KCNAB2: variants seen among roughly 807,000 people sequenced by gnomAD.
KCNAB2 encodes potassium voltage-gated channel subfamily A regulatory beta subunit 2.
In KCNAB2, 29 loss-of-function variants were observed where a neutral mutation model predicts 63.6. The observed-to-expected ratio is 0.46, with a 90% CI of 0.34 to 0.62. The LOEUF (loss-of-function observed/expected upper bound fraction) is 0.62. Ranked by LOEUF, KCNAB2 falls within the 20% of genes least tolerant of loss-of-function variation. The probability of loss-of-function intolerance (pLI) is 0.01; values close to 1 mark genes in which losing one functional copy is unlikely to be tolerated. For synonymous variants in KCNAB2, 222 were observed against 224.2 expected (o/e 0.99, Z 0.09); for missense variants, 359 against 563.9 (o/e 0.64, Z 3.68).
chr1:6,066,539 T>A (rs953461058), intron 2 of KCNAB2, among the ~76,000 whole-genome samples: 15 of 152,208 alleles, frequency 9.9e-5, no homozygotes, highest in African/African-American at 3.6e-4. Context: ...CTTCTGCCTC[T>A]GTTTTCTTTC....
At chr1:6,040,584 A>G (rs1404465106) in exon 2 of KCNAB2, 2 of 1,614,070 alleles carry the variant, frequency 1.2e-6, no homozygotes, top group Non-Finnish European at 1.7e-6. Flanking sequence ...TCCAGAATCA[A>G]CGACGGGCTC....
In KCNAB2 at chr1:6,039,245, G is replaced by T. The variant is rs555925222; in HGVS notation, c.-52-1272G>T. 6.6e-4 allele frequency among the ~76,000 whole-genome samples: 100 copies of T among 152,330 alleles called. 1 individual carries two copies. The highest frequency in any genetic ancestry group is 2.3e-3 in the African/African-American group (95 of 41,582). The stretch of plus-strand genomic sequence containing the variant: ...AGCGTGCTGGGAAGGCGGGGGCCTG[G>T]GTCAAGGGCCAGGCGGCAGAGCATA... On this transcript the variant is annotated intron_variant, in intron 1 of 15. Transcript: ENST00000164247.
rs371094095 is a variant in KCNAB2, at chr1:6,062,203, A to G, written c.218+10449A>G. On this transcript the variant is annotated intron_variant, in intron 2 of 15. Coordinates refer to ENST00000378083, the MANE Select transcript of KCNAB2 (RefSeq NM_001199862.2). ...GTGGCACATGCCTGTAATCCCAGCT[A>G]CTCGGGAGGCTGAGGTAGGAGAATC... is the stretch of plus-strand genomic sequence containing the variant. Among the ~76,000 whole-genome samples, 63 of 152,104 alleles carry G rather than the reference A, an allele frequency of 4.1e-4. No individual in the cohort carries two copies. The South Asian group carries it at 0.012, about 30-fold the overall frequency.
chr1:6,017,170 G>A (rs762925528), intron 1 of KCNAB2, among the ~76,000 whole-genome samples: 1 of 152,190 alleles, frequency 6.6e-6, no homozygotes, highest in Non-Finnish European at 1.5e-5. Context: ...CGCAGGGTGC[G>A]TAGAGCAGAG....
chr1:6,045,880 G>A (rs998953345), upstream of KCNAB2: 7 of 985,264 alleles, frequency 7.1e-6, no homozygotes, highest in Admixed American at 3.1e-4. This position sits in a 1 kb window ranked among gnomAD's most constrained non-coding sequence, Gnocchi z 4.8. Flanking sequence ...CCAACCCCAC[G>A]CACCGGGAGT....
intron 2 of KCNAB2, among the ~76,000 whole-genome samples, chr1:6,055,572 T>G (rs979527166): frequency 6.6e-6 from 1 of 152,138 alleles, no homozygotes; most frequent in African/African-American, 2.4e-5. Flanking sequence ...ACCACGCTGG[T>G]CTCAAACTCC....
chr1:6,056,148 G>A (rs1013130311), intron 2 of KCNAB2, among the ~76,000 whole-genome samples: 5 of 152,058 alleles, frequency 3.3e-5, no homozygotes, highest in African/African-American at 4.8e-5. Flanking sequence ...GGGTTCAAGC[G>A]ATTCTCCTGC....
At chr1:6,092,872 G>A (rs1422998342) in intron 10 of KCNAB2, among the ~76,000 whole-genome samples, 2 of 152,242 alleles carry the variant, frequency 1.3e-5, no homozygotes, top group Non-Finnish European at 2.9e-5. Flanking sequence ...TGCAAGCGTG[G>A]AAGCCAAGGG....
chr1:6,085,699 G>T, intron 6 of KCNAB2: 1 of 372,642 alleles, frequency 2.7e-6, no homozygotes, highest in Non-Finnish European at 3.8e-6. Flanking sequence ...CAGAGAGCTT[G>T]GGGGCCTGGG....
intron 1 of KCNAB2, among the ~76,000 whole-genome samples, chr1:6,022,946 G>A (rs564946071): frequency 1.4e-4 from 20 of 146,456 alleles, no homozygotes; most frequent in East Asian, 2.0e-4. Context: ...GCAGTGGCGC[G>A]ATCTTGGCTC....
chr1:6,078,289 A>G lies in KCNAB2; in HGVS notation c.301-3906A>G, dbSNP rs190362052. On this transcript the variant is annotated intron_variant, in intron 4 of 15. Transcript: ENST00000378083. This position sits in a 1 kb window ranked among gnomAD's most constrained non-coding sequence, Gnocchi z 4.2. ...CACTGAGGGCCCACTTAGCTAAGCC[A>G]GGACATTCTCCCCACTGCAGAGTAC... Among the ~76,000 whole-genome samples the G allele has an allele frequency of 1.3e-5, 2 of 152,370 alleles. No homozygotes were observed. Among genetic ancestry groups the G allele is most frequent in the East Asian group, 1.9e-4 (1 of 5,180 alleles).
rs1006652601 is a variant in KCNAB2, at chr1:6,096,580, G to A, written c.949-56G>A. The A allele has an allele frequency of 1.3e-6, 2 of 1,566,964 alleles. No individual in the cohort carries two copies. The highest frequency in any genetic ancestry group is 1.7e-6 in the Non-Finnish European group (2 of 1,152,942). ...AGCCCATCGGCCCCCTGCACGTGGG[G>A]GTCCAGGTGACCTGCTCTCATCTGT... is the stretch of plus-strand genomic sequence containing the variant. On this transcript the variant is annotated intron_variant, in intron 13 of 15. Transcript: ENST00000378083. This position sits in a 1 kb window ranked among gnomAD's most constrained non-coding sequence, Gnocchi z 5.9.
intron 1 of KCNAB2, among the ~76,000 whole-genome samples, chr1:5,993,359 T>G (rs1656678018): frequency 1.3e-5 from 2 of 151,322 alleles, no homozygotes; most frequent in Admixed American, 6.6e-5. Flanking sequence ...CTCACCACCT[T>G]ACCCTGCTCC....
intron 1 of KCNAB2, among the ~76,000 whole-genome samples, chr1:6,037,083 C>T (rs932903413): frequency 1.3e-5 from 2 of 152,140 alleles, no homozygotes; most frequent in South Asian, 2.1e-4. Flanking sequence ...CCCTCAACCT[C>T]GCCTCTAGGC....
intron 2 of KCNAB2, among the ~76,000 whole-genome samples, chr1:6,065,220 C>T (rs1429901322): frequency 1.3e-5 from 2 of 152,246 alleles, no homozygotes; most frequent in African/African-American, 2.4e-5. Context: ...CTCAGACATC[C>T]AGCCCGCAGA....
At chr1:6,062,952 ATACCCTTCAAC>A (rs1405366471) in intron 2 of KCNAB2, among the ~76,000 whole-genome samples, 1 of 151,828 alleles carries the variant, frequency 6.6e-6, no homozygotes, top group Non-Finnish European at 1.5e-5. Flanking sequence ...AAGAAGCCCC[ATACCCTTCAAC>A]TCTCACTCCC....
chr1:6,000,599 C>T (rs1288036143), intron 1 of KCNAB2, among the ~76,000 whole-genome samples: 1 of 151,502 alleles, frequency 6.6e-6, no homozygotes, highest in Non-Finnish European at 1.5e-5. Context: ...CCCCCCGCCG[C>T]TCTGCTGGTG....
chr1:6,050,928 C>T (rs1036859264), intron 1 of KCNAB2, among the ~76,000 whole-genome samples: 12 of 152,258 alleles, frequency 7.9e-5, no homozygotes, highest in African/African-American at 2.4e-4. Context: ...TAGCATTTCC[C>T]TTTACAAGGC....
chr1:6,010,603 C>T (rs558890399), intron 1 of KCNAB2, among the ~76,000 whole-genome samples: 3 of 152,338 alleles, frequency 2.0e-5, no homozygotes, highest in East Asian at 3.9e-4. Context: ...CTCCCTGCTC[C>T]GGTCACCCCC....
Sources: allele counts gnomAD v4.1 joint callset (sites outside exome capture counted in the v4.1 genomes callset), GRCh38; gene constraint gnomAD v4.1.1; non-coding constraint Gnocchi (gnomAD v3.1); transcripts MANE v1.5; gene names NCBI Gene and HGNC (gene_info 2026-07-23, HGNC 2026-07-21).